Variants in DSCAM observed in about 807,000 individuals in gnomAD.
The protein encoded by DSCAM is cell adhesion molecule DSCAM.
In DSCAM, 47 loss-of-function variants were observed where a neutral mutation model predicts 217.7. The ratio of observed to expected loss-of-function variants is 0.22; its 90% confidence interval spans 0.17 to 0.28. The LOEUF (loss-of-function observed/expected upper bound fraction) is 0.28, where lower values mean the gene tolerates loss of function less well. Among genes scored for constraint, DSCAM ranks in the 10% least tolerant of loss-of-function variants. DSCAM has a pLI of 1.00. For synonymous variants in DSCAM, 1,056 were observed against 1,015.3 expected (o/e 1.04, Z -0.76); for missense variants, 2,080 against 2,618.3 (o/e 0.79, Z 4.49).
intron 3 of DSCAM, among the ~76,000 whole-genome samples, chr21:40,657,216 T>C (rs2090086127): frequency 6.6e-6 from 1 of 152,166 alleles, no homozygotes; most frequent in Admixed American, 6.5e-5. Flanking sequence ...TTACATGACC[T>C]TGTGTGTGTT....
At chr21:40,508,748 T>C (rs1277262213) in intron 3 of DSCAM, among the ~76,000 whole-genome samples, 2 of 2,648 alleles carry the variant, frequency 7.6e-4, no homozygotes, top group South Asian at 0.017. Context: ...TATATATATA[T>C]ATATATATAT....
At chr21:40,452,364 T>G (rs552244624) in intron 3 of DSCAM, among the ~76,000 whole-genome samples, 20 of 152,030 alleles carry the variant, frequency 1.3e-4, no homozygotes, top group African/African-American at 4.8e-4. Context: ...TCTGAACAAT[T>G]ACACCTTTTA....
At chr21:40,648,490 C>T (rs1053907254) in intron 3 of DSCAM, among the ~76,000 whole-genome samples, 9 of 152,050 alleles carry the variant, frequency 5.9e-5, no homozygotes, top group East Asian at 1.9e-4. Flanking sequence ...ACCTTCAAGC[C>T]GAAGACAGTT....
chr21:40,367,588 TTCC>T (rs1251788411), intron 4 of DSCAM, among the ~76,000 whole-genome samples: 3 of 152,350 alleles, frequency 2.0e-5, no homozygotes, highest in Admixed American at 1.3e-4. Context: ...AACAAATTTC[TTCC>T]TCAACTGCTT....
intron 3 of DSCAM, among the ~76,000 whole-genome samples, chr21:40,551,991 T>C (rs529046127): frequency 9.1e-4 from 139 of 152,248 alleles, no homozygotes; most frequent in Non-Finnish European, 1.4e-3. Flanking sequence ...AGGCAGCTGA[T>C]GTAAAGAGAT....
chr21:40,499,412 A>T (rs2076154533), intron 3 of DSCAM, among the ~76,000 whole-genome samples: 1 of 152,136 alleles, frequency 6.6e-6, no homozygotes, highest in East Asian at 1.9e-4. Context: ...AAACAAAAAA[A>T]CCAAAACTCT....
chr21:40,451,261 G>T (rs2075716773), intron 3 of DSCAM, among the ~76,000 whole-genome samples: 1 of 152,168 alleles, frequency 6.6e-6, no homozygotes, highest in Admixed American at 6.5e-5. Context: ...AGAACAGGAG[G>T]TATTTTAATG....
intron 11 of DSCAM, among the ~76,000 whole-genome samples, chr21:40,192,331 C>G (rs975886860): frequency 6.6e-6 from 1 of 152,056 alleles, no homozygotes; most frequent in Non-Finnish European, 1.5e-5. Context: ...ATGGGAGAGG[C>G]CTGGTGGGAG....
chr21:40,271,645 C>T (rs187670450), intron 11 of DSCAM, among the ~76,000 whole-genome samples: 42 of 152,316 alleles, frequency 2.8e-4, no homozygotes, highest in African/African-American at 9.4e-4. Context: ...CGCAAATCTG[C>T]CTCCACCTTT....
chr21:40,376,669 A>AGATATC lies in DSCAM; in HGVS notation c.509-7430_509-7425dup, dbSNP rs1359807120. On this transcript the variant is annotated intron_variant, in intron 3 of 32. Coordinates refer to ENST00000400454, the MANE Select transcript of DSCAM (RefSeq NM_001389.5). ...ATATCGATATCTATATATCTTATAT[A>AGATATC]GATATCTATATATCATATATATCAT... 1.2e-3 allele frequency among the ~76,000 whole-genome samples: 133 copies of AGATATC among 107,918 alleles called. 1 individual carries two copies. Among genetic ancestry groups the AGATATC allele is most frequent in the African/African-American group, 4.0e-3 (103 of 25,604 alleles). The allele number at this position is 107,918 out of a possible 152,430, so 70.8% of individuals were successfully genotyped here.
At chr21:40,730,156 A>C (rs571669485) in intron 1 of DSCAM, among the ~76,000 whole-genome samples, 11 of 152,272 alleles carry the variant, frequency 7.2e-5, no homozygotes, top group African/African-American at 2.2e-4. Flanking sequence ...ATGGGCTCCG[A>C]AGAGCCTCCG....
At chr21:40,779,157 T>A (rs2091517664) in intron 1 of DSCAM, among the ~76,000 whole-genome samples, 1 of 152,108 alleles carries the variant, frequency 6.6e-6, no homozygotes. Context: ...TATATTAGAC[T>A]TTTGACTTTT....
At chr21:40,510,223 T>C (rs1188453754) in intron 3 of DSCAM, among the ~76,000 whole-genome samples, 3 of 151,950 alleles carry the variant, frequency 2.0e-5, no homozygotes, top group Non-Finnish European at 4.4e-5. Flanking sequence ...AGGTCCAATA[T>C]AGAAATAAAC....
chr21:40,703,598 T>G (rs533796429), intron 2 of DSCAM, among the ~76,000 whole-genome samples: 5 of 152,260 alleles, frequency 3.3e-5, no homozygotes, highest in African/African-American at 1.2e-4. Context: ...GTCATTCTTA[T>G]CTTTGTTCCT....
intron 3 of DSCAM, among the ~76,000 whole-genome samples, chr21:40,539,004 A>G (rs1220696500): frequency 6.6e-6 from 1 of 152,184 alleles, no homozygotes. Flanking sequence ...AGAAACCCAG[A>G]CAGAGACTTT....
intron 3 of DSCAM, among the ~76,000 whole-genome samples, chr21:40,442,672 C>G (rs188317208): frequency 1.3e-5 from 2 of 151,766 alleles, no homozygotes; most frequent in Non-Finnish European, 2.9e-5. Context: ...CCATCACGCT[C>G]GGCAAATTTT....
At chr21:40,661,243 G>C (rs993591125) in intron 3 of DSCAM, among the ~76,000 whole-genome samples, 5 of 152,158 alleles carry the variant, frequency 3.3e-5, no homozygotes, top group Admixed American at 2.6e-4. Flanking sequence ...ACGTTGCAGA[G>C]GTTTCAAGAT....
intron 1 of DSCAM, among the ~76,000 whole-genome samples, chr21:40,800,303 A>G (rs2091728363): frequency 6.6e-6 from 1 of 152,166 alleles, no homozygotes; most frequent in African/African-American, 2.4e-5. Flanking sequence ...AATTGGTACC[A>G]GGAGTGGGGT....
intron 31 of DSCAM, among the ~76,000 whole-genome samples, chr21:40,043,729 C>A (rs771712256): frequency 5.9e-5 from 9 of 152,176 alleles, no homozygotes; most frequent in Non-Finnish European, 5.9e-5. Flanking sequence ...GGGTCAGACG[C>A]CCTCAGAGTG....
Sources: allele counts gnomAD v4.1 joint callset (sites outside exome capture counted in the v4.1 genomes callset), GRCh38; gene constraint gnomAD v4.1.1; transcripts MANE v1.5; gene names NCBI Gene and HGNC (gene_info 2026-07-23, HGNC 2026-07-21).